PTK2B: variants seen among roughly 807,000 people sequenced by gnomAD.
PTK2B encodes protein-tyrosine kinase 2-beta.
PTK2B carries 71 observed loss-of-function variants against 142.9 expected under a neutral mutation model. That is an observed-to-expected ratio of 0.50 (90% CI 0.41 to 0.61). The LOEUF (loss-of-function observed/expected upper bound fraction) is 0.61. PTK2B is among the 20% of genes least tolerant of loss of function. The pLI is 0.00. For missense variants in PTK2B, 1,105 were observed against 1,320.4 expected (o/e 0.84, Z 2.53); for synonymous variants, 519 against 503.4 (o/e 1.03, Z -0.42).
At chr8:27,442,736 G>T (rs561828142) in intron 21 of PTK2B, 139 bp from the exon 22 acceptor site, 4 of 660,854 alleles carry the variant, frequency 6.1e-6, no homozygotes, top group African/African-American at 3.6e-5. Context: ...AGGACACTCT[G>T]CAGTGAAGAT....
chr8:27,376,677 G>T (rs1430279288), intron 1 of PTK2B, among the ~76,000 whole-genome samples: 1 of 152,132 alleles, frequency 6.6e-6, no homozygotes, highest in African/African-American at 2.4e-5. Context: ...AGTGTCCTCT[G>T]GTCATCCTCA....
intron 23 of PTK2B, 88 bp from the exon 24 acceptor site, chr8:27,445,706 A>C: frequency 6.4e-7 from 1 of 1,566,830 alleles, no homozygotes; most frequent in African/African-American, 1.4e-5. Flanking sequence ...GCTCATGCAT[A>C]GTTTCTTTGT....
chr8:27,323,780 A>G (rs1363000663), upstream of PTK2B, among the ~76,000 whole-genome samples: 2 of 152,160 alleles, frequency 1.3e-5, no homozygotes, highest in East Asian at 1.9e-4. Context: ...TTAAAAAGCT[A>G]TGGGTTTATG....
intron 5 of PTK2B, among the ~76,000 whole-genome samples, chr8:27,423,020 A>T (rs1392284412): frequency 6.6e-6 from 1 of 152,180 alleles, no homozygotes; most frequent in Non-Finnish European, 1.5e-5. Context: ...GGGTCAGGGG[A>T]GATACACTCC....
At chr8:27,355,112 G>A (rs1305970949) in intron 1 of PTK2B, among the ~76,000 whole-genome samples, 1 of 152,170 alleles carries the variant, frequency 6.6e-6, no homozygotes, top group African/African-American at 2.4e-5. Flanking sequence ...AAAGATGTCC[G>A]CATCCTAATC....
At chr8:27,404,955 A>T (rs1208641409) in intron 2 of PTK2B, among the ~76,000 whole-genome samples, 2 of 150,568 alleles carry the variant, frequency 1.3e-5, no homozygotes, top group Non-Finnish European at 3.0e-5. Flanking sequence ...GGGCCCTATA[A>T]TGGGATTAGT....
intron 8 of PTK2B, 45 bp from the exon 9 acceptor site, chr8:27,431,353 G>A (rs368624872): frequency 3.8e-4 from 612 of 1,613,736 alleles, no homozygotes; most frequent in Non-Finnish European, 4.6e-4. Context: ...CTGAAGAATG[G>A]GGAGGACAGC....
intron 21 of PTK2B, among the ~76,000 whole-genome samples, chr8:27,442,250 G>A (rs1188829499): frequency 1.3e-5 from 2 of 152,126 alleles, no homozygotes; most frequent in Admixed American, 6.5e-5. Context: ...ATAGTATCAA[G>A]TGTCACATAT....
chr8:27,348,821 C>G (rs1804872528), intron 1 of PTK2B, among the ~76,000 whole-genome samples: 1 of 152,082 alleles, frequency 6.6e-6, no homozygotes, highest in African/African-American at 2.4e-5. Flanking sequence ...GCAGAATCCT[C>G]TCTACTCCCA....
chr8:27,326,445 A>G (rs1803425338), intron 1 of PTK2B, among the ~76,000 whole-genome samples: 1 of 152,206 alleles, frequency 6.6e-6, no homozygotes, highest in African/African-American at 2.4e-5. Context: ...CCTCGACCAC[A>G]TGACACTGGC....
At chr8:27,347,253 G>C (rs186770668) in intron 1 of PTK2B, among the ~76,000 whole-genome samples, 1 of 151,592 alleles carries the variant, frequency 6.6e-6, no homozygotes. Context: ...GGTGGCATGC[G>C]CCTGTAATCC....
At chr8:27,424,109 T>C (rs1349552654) in intron 5 of PTK2B, among the ~76,000 whole-genome samples, 1 of 152,158 alleles carries the variant, frequency 6.6e-6, no homozygotes, top group Non-Finnish European at 1.5e-5. Context: ...CCTCTAAAAT[T>C]AGACAAGTCG....
chr8:27,369,434 C>T (rs1349080249), intron 1 of PTK2B, among the ~76,000 whole-genome samples: 1 of 152,178 alleles, frequency 6.6e-6, no homozygotes, highest in Middle Eastern at 3.2e-3. Context: ...CTTTGGGAGG[C>T]CGAGGAGGGT....
At chr8:27,392,369 G>C (rs1339214461) in intron 1 of PTK2B, among the ~76,000 whole-genome samples, 1 of 150,588 alleles carries the variant, frequency 6.6e-6, no homozygotes, top group Non-Finnish European at 1.5e-5. Flanking sequence ...AGGGAATACA[G>C]GTCATCAGAC....
chr8:27,446,774 G>T (rs1210466719), intron 24 of PTK2B, among the ~76,000 whole-genome samples: 3 of 152,158 alleles, frequency 2.0e-5, no homozygotes, highest in Non-Finnish European at 4.4e-5. Context: ...TAATATATTT[G>T]GAAGATGTAG....
chr8:27,450,304 G>A (rs1458145652), intron 24 of PTK2B, among the ~76,000 whole-genome samples: 1 of 152,140 alleles, frequency 6.6e-6, no homozygotes, highest in African/African-American at 2.4e-5. Context: ...AGAAGGGTGT[G>A]ATGCTCTCCA....
chr8:27,437,685 A>T (rs1197215581), intron 17 of PTK2B, 80 bp from the exon 18 acceptor site: 8 of 1,400,010 alleles, frequency 5.7e-6, no homozygotes, highest in Non-Finnish European at 7.9e-6. Context: ...GGGAAGGGTC[A>T]GGGGTTGCCA....
At chr8:27,319,539 G>A (rs1803164943) in intron 3 of PTK2B, among the ~76,000 whole-genome samples, 1 of 151,486 alleles carries the variant, frequency 6.6e-6, no homozygotes, top group Middle Eastern at 3.4e-3. Context: ...AGCTACTCGG[G>A]AGGCTGAGAC....
intron 27 of PTK2B, chr8:27,452,728 G>A: frequency 4.2e-6 from 1 of 235,440 alleles, no homozygotes; most frequent in Non-Finnish European, 8.1e-6. Context: ...ATGAGCTGCT[G>A]TCTCCCCAGG....
Sources: gnomAD v4.1 joint callset for allele counts (sites outside exome capture counted in the v4.1 genomes callset) on GRCh38, gnomAD v4.1.1 for gene constraint, MANE v1.5 for transcripts, NCBI Gene and HGNC (gene_info 2026-07-23, HGNC 2026-07-21) for gene names.